Variants in FAAP100 observed in about 807,000 individuals in gnomAD.
FAAP100 encodes the protein Fanconi anemia core complex-associated protein 100.
A neutral mutation model predicts 65.8 loss-of-function variants in FAAP100; 46 were observed. The observed-to-expected ratio is 0.70, with a 90% CI of 0.55 to 0.89. FAAP100 has a LOEUF of 0.89. Among genes scored for constraint, FAAP100 ranks in the 40% least tolerant of loss-of-function variants. FAAP100 has a pLI of 0.00. For synonymous variants in FAAP100, 663 were observed against 555.1 expected (o/e 1.19, Z -2.73); for missense variants, 1,165 against 1,196.7 (o/e 0.97, Z 0.39).
At chr17:81,542,011 C>T (rs1343290654) in intron 7 of FAAP100, among the ~76,000 whole-genome samples, 2 of 150,732 alleles carry the variant, frequency 1.3e-5, no homozygotes, top group Non-Finnish European at 3.0e-5. Flanking sequence ...ACTAAAAATA[C>T]AAAAAATTAG....
In FAAP100 at chr17:81,544,138, C is replaced by T. The variant is rs368913980; in HGVS notation, c.2311-18G>A. 1.3e-6 allele frequency: 2 copies of T among 1,582,350 alleles called. No homozygotes were observed. The highest frequency in any genetic ancestry group is 1.3e-5 in the African/African-American group (1 of 74,424). ...ATGGCCACCTGCAACACAGGAGCCA[C>T]CTCACTGCCTGCCTGTGGCACTCCC... On this transcript the variant is annotated intron_variant, in intron 6 of 8. Transcript: ENST00000327787.
intron 5 of FAAP100, chr17:81,546,608 C>G (rs894653374): frequency 2.9e-6 from 1 of 342,602 alleles, no homozygotes. Context: ...AGAACGCAGG[C>G]GAAGCTCATT....
chr17:81,542,575 C>G (rs1369455139), intron 7 of FAAP100, among the ~76,000 whole-genome samples: 2 of 152,074 alleles, frequency 1.3e-5, no homozygotes, highest in Non-Finnish European at 2.9e-5. Context: ...GGGGCGGGCA[C>G]CTAGCTGTTG....
In FAAP100 at chr17:81,549,382, G is replaced by A. The variant is rs752840838; in HGVS notation, c.1247-20C>T. 4 of 1,590,712 alleles carry A rather than the reference G, an allele frequency of 2.5e-6. No homozygotes were observed. In the Admixed American group the frequency reaches 5.1e-5, roughly 20 times the overall value. ...TGCCACCTGGTGACAGACACACATG[G>A]GGCCTGGTCAGCGGCTGGGAGGGGC... On this transcript the variant is annotated intron_variant, in intron 3 of 8. Transcript: ENST00000327787.
chr17:81,542,200 A>AATATATATATATAT (rs760595551), intron 7 of FAAP100, among the ~76,000 whole-genome samples: 1 of 27,240 alleles, frequency 3.7e-5, no homozygotes, highest in South Asian at 2.1e-3. Context: ...AAAAAAAAAA[A>AATATATATATATAT]ATATATATAT....
Position 81,547,083 on chromosome 17 carries a change from A to T in FAAP100, c.1999T>A (p.Ser667Thr). 1 of 1,535,036 alleles carries T rather than the reference A, an allele frequency of 6.5e-7. No individual in the cohort carries two copies. The highest frequency in any genetic ancestry group is 8.8e-7 in the Non-Finnish European group (1 of 1,140,964). ...GLAPPHTRAP[S>T]PLGPTRDPVA... ...GGGTCTCGGGTGGGGCCGAGTGGGG[A>T]GGGGGCCCGTGTGTGTGGCGGGGCC... The change falls in exon 5 of 9, where the codon TCC (serine) becomes ACC (threonine). Residue 667 changes from serine to threonine, a missense_variant. By Grantham distance (58) the Ser-to-Thr change is moderately conservative. Transcript: ENST00000327787.
Position 81,544,088 on chromosome 17 carries a change from G to A in FAAP100, c.2343C>T (p.Pro781=). Residue 781 remains proline, a synonymous_variant, in exon 7 of 9, where the codon CCC becomes CCT. Transcript: ENST00000327787. ...VAMTDLCPAG[P]IQAVEIQVES... ...CCACTTGAATCTCCACGGCCTGGAT[G>A]GGCCCTGCTGGGCACAGGTCAGTCA... The A allele has an allele frequency of 1.2e-6, 2 of 1,612,578 alleles. No individual in the cohort carries two copies. Among genetic ancestry groups the A allele is most frequent in the Non-Finnish European group, 1.7e-6 (2 of 1,179,758 alleles).
In FAAP100 at chr17:81,547,676, ACT is replaced by A. The variant is rs758314954; in HGVS notation, c.1404_1405del (p.Arg468SerfsTer9). 3 of 1,609,150 alleles carry A rather than the reference ACT, an allele frequency of 1.9e-6. No homozygotes were observed. The highest frequency in any genetic ancestry group is 1.7e-5 in the Admixed American group (1 of 59,930). Reference sequence around the variant, plus strand: ...GTCAACCGCCTTCTTTAGAAAAGACACTCTGCGAAGGACAGACATGACCCCCG... The same window carrying A: ...GTCAACCGCCTTCTTTAGAAAAGACACTGCGAAGGACAGACATGACCCCCG... On this transcript the variant is annotated frameshift_variant and splice_region_variant, in exon 5 of 9. Coordinates refer to ENST00000327787, the MANE Select transcript of FAAP100 (RefSeq NM_025161.6). LOFTEE classifies it high-confidence loss of function.
Position 81,551,074 on chromosome 17 carries a change from C to T in FAAP100, c.420G>A (p.Leu140=). The change falls in exon 3 of 9, where the codon CTG becomes CTA. Residue 140 remains leucine, a synonymous_variant. Transcript: ENST00000327787. ...LCAFTLLDSV[L]VTLVQGPARW... ...GGGCAGGGCCCTGCACCAGGGTGAC[C>T]AGCACACTGTCCAGCAAGGTGAACG... 1 of 1,585,072 alleles carries T rather than the reference C, an allele frequency of 6.3e-7. No individual in the cohort carries two copies. Among genetic ancestry groups the T allele is most frequent in the Non-Finnish European group, 8.6e-7 (1 of 1,165,930 alleles).
intron 7 of FAAP100, among the ~76,000 whole-genome samples, chr17:81,543,023 G>C (rs1230003438): frequency 6.6e-6 from 1 of 152,224 alleles, no homozygotes; most frequent in Non-Finnish European, 1.5e-5. Context: ...GGTGCTGCGT[G>C]ACATGCTCAT....
chr17:81,550,365 G>A lies in FAAP100; in HGVS notation c.1129C>T (p.Pro377Ser), dbSNP rs760085498. The stretch of plus-strand genomic sequence containing the variant: ...TCTTCGGGCTGCTCAGGGCCCAGCG[G>A]GGTGCTTCCCCGAGACAGATCCACC... ...CVVDLSRGST[P>S]LGPEQPEEGP... The change falls in exon 3 of 9, where the codon CCG becomes TCG. Residue 377 changes from proline (P) to serine (S), a missense_variant. Pro to Ser is a moderately conservative substitution (Grantham distance 74). Coordinates refer to ENST00000327787, the MANE Select transcript of FAAP100 (RefSeq NM_025161.6). 4 of 1,612,722 alleles carry A rather than the reference G, an allele frequency of 2.5e-6. No homozygotes were observed. The highest frequency in any genetic ancestry group is 2.2e-5 in the South Asian group (2 of 91,082).
intron 2 of FAAP100, chr17:81,551,609 C>T (rs765701127): frequency 9.2e-7 from 1 of 1,085,892 alleles, no homozygotes; most frequent in Non-Finnish European, 1.2e-6. Context: ...CCTTTGCTGT[C>T]TCCTCCCTCC....
Position 81,540,346 on chromosome 17 carries a change from TGGTAGTGCCACCCAGAGGGGCAGCC to T in FAAP100, c.*448_*472del, listed in dbSNP as rs2033038891. ...TGTGACAAGGGTACCGTGGGGCACC[TGGTAGTGCCACCCAGAGGGGCAGCC>T]GGTGCTCCTGGTGGTGTGGCAGCAA... On this transcript the variant is annotated 3_prime_UTR_variant, in exon 9 of 9. Coordinates refer to ENST00000327787, the MANE Select transcript of FAAP100 (RefSeq NM_025161.6). The T allele has an allele frequency of 5.0e-6, 2 of 401,042 alleles. No homozygotes were observed. The highest frequency in any genetic ancestry group is 4.4e-6 in the Non-Finnish European group (1 of 227,598). The allele number at this position is 401,042 out of a possible 1,614,324, so 24.8% of individuals were successfully genotyped here. A position where few individuals can be genotyped will look rare whatever the true frequency, so the allele number is the denominator to read the frequency against.
chr17:81,546,513 C>A (rs2033307327), intron 5 of FAAP100: 1 of 178,562 alleles, frequency 5.6e-6, no homozygotes. Context: ...TTAGGTTACG[C>A]TTCCATATAT....
At chr17:81,551,905 G>A (rs778902565) in intron 2 of FAAP100, 23 bp downstream of exon 2, 6 of 1,533,304 alleles carry the variant, frequency 3.9e-6, no homozygotes, top group South Asian at 3.6e-5. Context: ...TGTGCGGGAG[G>A]GAGGCCGCGG....
Position 81,544,124 on chromosome 17 carries a change from C to T in FAAP100, c.2311-4G>A. On this transcript the variant is annotated splice_region_variant and splice_polypyrimidine_tract_variant and intron_variant, in intron 6 of 8. Transcript: ENST00000327787. ...GGCACAGGTCAGTCATGGCCACCTG[C>T]AACACAGGAGCCACCTCACTGCCTG... 4 of 1,603,750 alleles carry T rather than the reference C, an allele frequency of 2.5e-6. No homozygotes were observed. Among genetic ancestry groups the T allele is most frequent in the South Asian group, 2.2e-5 (2 of 90,862 alleles).
At position 81,543,727 on chromosome 17, in the gene FAAP100, CT is replaced by C. The variant is rs527437397; in HGVS notation, c.2427+276del. Among the ~76,000 whole-genome samples, 94 of 152,296 alleles carry C rather than the reference CT, an allele frequency of 6.2e-4. 1 individual carries two copies. The South Asian group carries it at 0.01, about 17-fold the overall frequency. ...AGGTCACAAATAGAAACCCACTGGC[CT>C]TGTAGCCCGGGCAGTCCTTGGACTC... On this transcript the variant is annotated intron_variant, in intron 7 of 8. Transcript: ENST00000327787.
chr17:81,547,230 C>G lies in FAAP100; in HGVS notation c.1852G>C (p.Asp618His). ...TCATCCAGAAAGGGGTCCTCAGAGT[C>G]TGAGGGGGCAAGGGCCCCGCCCACC... ...EVVGGALAPSDSEDPFLDECP... is the reference protein window; with the variant it reads ...EVVGGALAPSHSEDPFLDECP... Residue 618 changes from aspartate (D) to histidine (H), a missense_variant, in exon 5 of 9, where the codon GAC becomes CAC. By Grantham distance (81) the Asp-to-His change is moderately conservative. Coordinates refer to ENST00000327787, the MANE Select transcript of FAAP100 (RefSeq NM_025161.6). 6.3e-7 allele frequency: 1 copy of G among 1,581,274 alleles called. No individual in the cohort carries two copies. The highest frequency in any genetic ancestry group is 8.6e-7 in the Non-Finnish European group (1 of 1,161,018).
upstream of FAAP100, among the ~76,000 whole-genome samples, chr17:81,552,818 G>C (rs1431725775): frequency 2.6e-5 from 4 of 151,954 alleles, no homozygotes; most frequent in Admixed American, 2.0e-4. Context: ...GGCTCTTGTC[G>C]TCCTAGGGAT....
Sources: gnomAD v4.1 joint callset for allele counts (sites outside exome capture counted in the v4.1 genomes callset) on GRCh38, gnomAD v4.1.1 for gene constraint, MANE v1.5 for transcripts, NCBI Gene and HGNC (gene_info 2026-07-23, HGNC 2026-07-21) for gene names.